Variants in CMTM4 observed in about 807,000 individuals in gnomAD.
The protein encoded by CMTM4 is CKLF-like MARVEL transmembrane domain-containing protein 4.
In CMTM4, 8 loss-of-function variants were observed where a neutral mutation model predicts 19.0. That is an observed-to-expected ratio of 0.42 (90% CI 0.25 to 0.76). CMTM4 has a LOEUF of 0.76. CMTM4 is among the 30% of genes least tolerant of loss of function. The pLI is 0.27. For missense variants in CMTM4, 228 were observed against 290.2 expected (o/e 0.79, Z 1.56); for synonymous variants, 106 against 121.1 (o/e 0.88, Z 0.82).
At chr16:66,602,558 C>G in the CMTM4 span, among the ~76,000 whole-genome samples, 1 of 152,028 alleles carries the variant, frequency 6.6e-6, no homozygotes, top group South Asian at 2.1e-4. Context: ...TTCTTTCATA[C>G]AGAGTCTCAC....
chr16:66,612,647 G>A (rs764390337), downstream of CMTM4: 13 of 1,613,684 alleles, frequency 8.1e-6, no homozygotes, highest in African/African-American at 2.7e-5. The surrounding 1 kb of genome is among the most constrained non-coding windows in gnomAD (Gnocchi z 6.0). Context: ...AAGGCCTGGC[G>A]GGTGCCTTGG....
rs1348729037 is a variant in CMTM4 at position 66,618,837 on chromosome 16, GAGCCTTC to G, written c.*3214_*3220del. ...ACATTCCCTGGCTGCCCACAGGCGT[GAGCCTTC>G]CTGCCAGGGGACAGTAACAGGGCCC... On this transcript the variant is annotated 3_prime_UTR_variant, in exon 4 of 4. Coordinates refer to ENST00000394106, the MANE Select transcript of CMTM4 (RefSeq NM_181521.3). 3 of 985,402 alleles carry G rather than the reference GAGCCTTC, an allele frequency of 3.0e-6. No individual in the cohort carries two copies. The highest frequency in any genetic ancestry group is 6.1e-5 in the Admixed American group (1 of 16,274). 61.0% of individuals were successfully genotyped at this position (985,402 alleles called of 1,614,324 possible).
chr16:66,604,470 T>C, the CMTM4 span: 2 of 207,228 alleles, frequency 9.7e-6, no homozygotes, highest in East Asian at 2.1e-4. Flanking sequence ...CCCTTCTGGA[T>C]AGGGGCAGAC....
In CMTM4 at chr16:66,619,611, T is replaced by C. The variant is rs183439337; in HGVS notation, c.*2447A>G. ...ATATAGAGGCAATATAAGAAAAATATAGGCGTCTTCATATTCACCTTGGAT... is the reference window on the plus strand; with the variant it reads ...ATATAGAGGCAATATAAGAAAAATACAGGCGTCTTCATATTCACCTTGGAT... On this transcript the variant is annotated 3_prime_UTR_variant, in exon 4 of 4. Transcript: ENST00000394106. 3.6e-4 allele frequency: 358 copies of C among 985,366 alleles called. No homozygotes were observed. Among genetic ancestry groups the C allele is most frequent in the Middle Eastern group, 2.6e-3 (5 of 1,914 alleles). 61.0% of individuals were successfully genotyped at this position (985,366 alleles called of 1,614,324 possible).
the CMTM4 span, chr16:66,605,012 G>A: frequency 5.1e-6 from 7 of 1,366,052 alleles, no homozygotes; most frequent in Non-Finnish European, 5.7e-6. The surrounding 1 kb of genome is among the most constrained non-coding windows in gnomAD (Gnocchi z 4.6). Context: ...TTCGGAGGAG[G>A]ACGTCGGGGC....
intron 1 of CMTM4, among the ~76,000 whole-genome samples, chr16:66,636,874 G>A (rs2016002998): frequency 6.6e-6 from 1 of 152,148 alleles, no homozygotes; most frequent in Non-Finnish European, 1.5e-5. Flanking sequence ...GCTGGCCCTT[G>A]GGAGGAAGCA....
At chr16:66,656,782 G>A (rs953936065) in intron 1 of CMTM4, among the ~76,000 whole-genome samples, 4 of 151,898 alleles carry the variant, frequency 2.6e-5, no homozygotes, top group South Asian at 4.2e-4. Flanking sequence ...AGGACACATC[G>A]TCCCTTCTGT....
Position 66,621,404 on chromosome 16 carries a change from T to A in CMTM4, c.*654A>T, listed in dbSNP as rs987985917. The A allele has an allele frequency of 1.0e-6, 1 of 985,754 alleles. No homozygotes were observed. The highest frequency in any genetic ancestry group is 1.7e-5 in the African/African-American group (1 of 57,242). 61.1% of individuals were successfully genotyped at this position (985,754 alleles called of 1,614,324 possible). A position where few individuals can be genotyped will look rare whatever the true frequency, so the allele number is the denominator to read the frequency against. ...TGGCCCCCATATTCCTGGAGAAGAA[T>A]CTGGGGTTCAGGAAGGTGATTCATT... On this transcript the variant is annotated 3_prime_UTR_variant, in exon 4 of 4. Coordinates refer to ENST00000394106, the MANE Select transcript of CMTM4 (RefSeq NM_181521.3).
At chr16:66,650,069 A>G (rs997435491) in intron 1 of CMTM4, among the ~76,000 whole-genome samples, 2 of 152,074 alleles carry the variant, frequency 1.3e-5, no homozygotes, top group African/African-American at 2.4e-5. Context: ...TGGAAGAGGG[A>G]GGGTCAATGA....
chr16:66,612,694 A>ACAGGGGTCGCTGGC, downstream of CMTM4: 2 of 1,557,280 alleles, frequency 1.3e-6, no homozygotes, highest in Non-Finnish European at 1.8e-6. This position sits in a 1 kb window ranked among gnomAD's most constrained non-coding sequence, Gnocchi z 6.0. Context: ...CCTGCGCCTC[A>ACAGGGGTCGCTGGC]CAGGGGTCGC....
intron 1 of CMTM4, among the ~76,000 whole-genome samples, chr16:66,649,455 T>TATCC (rs1009571686): frequency 2.0e-4 from 24 of 119,646 alleles, no homozygotes; most frequent in African/African-American, 7.0e-4. Context: ...TCTCTCTATC[T>TATCC]ATCCATCTAT....
chr16:66,666,017 A>G (rs2016586538), intron 1 of CMTM4, among the ~76,000 whole-genome samples: 1 of 151,948 alleles, frequency 6.6e-6, no homozygotes, highest in African/African-American at 2.4e-5. Flanking sequence ...GGTTGCAGTG[A>G]GCGGAGATTG....
the CMTM4 span, among the ~76,000 whole-genome samples, chr16:66,600,123 T>TAGGGGGGGGGGGG: frequency 6.9e-6 from 1 of 145,636 alleles, no homozygotes; most frequent in African/African-American, 2.6e-5. Flanking sequence ...TGTGTGTGTG[T>TAGGGGGGGGGGGG]GTGTGTGTGT....
At chr16:66,687,498 AAAAATAAAAT>A (rs757590415) in intron 1 of CMTM4, among the ~76,000 whole-genome samples, 28 of 152,068 alleles carry the variant, frequency 1.8e-4, no homozygotes, top group Admixed American at 5.2e-4. Context: ...AGACCGTCTC[AAAAATAAAAT>A]AAAATAAAAT....
chr16:66,648,283 G>A (rs981947768), intron 1 of CMTM4, among the ~76,000 whole-genome samples: 1 of 152,224 alleles, frequency 6.6e-6, no homozygotes, highest in Non-Finnish European at 1.5e-5. Context: ...ATGAACCTTG[G>A]TTGTTACTAC....
chr16:66,687,889 G>C (rs1370115793), intron 1 of CMTM4, among the ~76,000 whole-genome samples: 1 of 151,894 alleles, frequency 6.6e-6, no homozygotes, highest in Non-Finnish European at 1.5e-5. Context: ...GGGTTTCACC[G>C]TGTTAGCCAG....
chr16:66,613,409 T>C (rs1355844186), downstream of CMTM4: 2 of 405,240 alleles, frequency 4.9e-6, no homozygotes, highest in East Asian at 8.2e-5. Flanking sequence ...AAACCCTCCT[T>C]CTTCCTAGAG....
chr16:66,605,282 G>A, the CMTM4 span: 3 of 217,590 alleles, frequency 1.4e-5, no homozygotes, highest in African/African-American at 6.9e-5. This position sits in a 1 kb window ranked among gnomAD's most constrained non-coding sequence, Gnocchi z 4.6. Context: ...CCGGGGACTC[G>A]GGCAACTCGG....
At chr16:66,674,732 CTTTTTTTTTTT>C (rs771044359) in intron 1 of CMTM4, among the ~76,000 whole-genome samples, 2 of 92,484 alleles carry the variant, frequency 2.2e-5, no homozygotes, top group Non-Finnish European at 4.3e-5. Flanking sequence ...GTTACATATT[CTTTTTTTTTTT>C]TTTTTTTTTT....
Sources: allele counts gnomAD v4.1 joint callset (sites outside exome capture counted in the v4.1 genomes callset), GRCh38; gene constraint gnomAD v4.1.1; non-coding constraint Gnocchi (gnomAD v3.1); transcripts MANE v1.5; gene names NCBI Gene and HGNC (gene_info 2026-07-23, HGNC 2026-07-21).